Variants in CCDC30 observed in about 807,000 individuals in gnomAD.
CCDC30 encodes coiled-coil domain containing 30.
A neutral mutation model predicts 100.2 loss-of-function variants in CCDC30; 70 were observed. That is an observed-to-expected ratio of 0.70 (90% CI 0.58 to 0.85). The LOEUF is 0.85. Ranked by LOEUF, CCDC30 falls within the 40% of genes least tolerant of loss-of-function variation. CCDC30 has a pLI of 0.00. For missense variants in CCDC30, 652 were observed against 771.2 expected (o/e 0.85, Z 1.83); for synonymous variants, 233 against 269.5 (o/e 0.86, Z 1.33).
intron 7 of CCDC30, among the ~76,000 whole-genome samples, chr1:42,574,925 C>G (rs1645802794): frequency 6.6e-6 from 1 of 152,186 alleles, no homozygotes; most frequent in African/African-American, 2.4e-5. Flanking sequence ...GTGTCTGGCT[C>G]TATTCTTGAG....
intron 6 of CCDC30, among the ~76,000 whole-genome samples, chr1:42,557,812 A>T (rs1276243012): frequency 6.7e-6 from 1 of 149,766 alleles, no homozygotes; most frequent in Non-Finnish European, 1.5e-5. Flanking sequence ...ATTCTTAAGG[A>T]ATTTGTAATT....
At chr1:42,477,651 T>A (rs1447905002) in intron 1 of CCDC30, among the ~76,000 whole-genome samples, 1 of 152,226 alleles carries the variant, frequency 6.6e-6, no homozygotes, top group Non-Finnish European at 1.5e-5. Flanking sequence ...AAATCAATCC[T>A]ATGCATCCCA....
intron 6 of CCDC30, chr1:42,509,938 C>A: frequency 1.9e-6 from 1 of 520,288 alleles, no homozygotes. Flanking sequence ...TTCCCTTCCT[C>A]CAAGCTCAAC....
At chr1:42,530,352 C>G (rs985926444) in intron 6 of CCDC30, among the ~76,000 whole-genome samples, 3 of 152,160 alleles carry the variant, frequency 2.0e-5, no homozygotes, top group African/African-American at 7.2e-5. Context: ...TTGCTAATCT[C>G]TTACTATGCC....
chr1:42,580,389 C>A (rs1043158560), intron 8 of CCDC30, among the ~76,000 whole-genome samples: 1 of 152,092 alleles, frequency 6.6e-6, no homozygotes, highest in Non-Finnish European at 1.5e-5. Flanking sequence ...CGGGTGACAC[C>A]CACTGGCATT....
chr1:42,560,999 A>G (rs111778468), intron 6 of CCDC30, among the ~76,000 whole-genome samples: 20,621 of 152,198 alleles, frequency 0.14, 1,529 homozygotes, highest in East Asian at 0.17. Flanking sequence ...AGGACCAGAC[A>G]GATTCACAGC....
intron 6 of CCDC30, chr1:42,509,992 A>G (rs1353719224): frequency 3.3e-6 from 3 of 907,044 alleles, no homozygotes; most frequent in African/African-American, 1.8e-5. Context: ...AACTTTTCCC[A>G]GTTTGGAGGA....
intron 6 of CCDC30, among the ~76,000 whole-genome samples, chr1:42,525,361 A>G (rs1644708110): frequency 2.0e-5 from 3 of 151,818 alleles, no homozygotes; most frequent in South Asian, 4.2e-4. Context: ...GATAATTTCT[A>G]TTGTTGTTTT....
chr1:42,601,544 C>A (rs1483671344), intron 10 of CCDC30, among the ~76,000 whole-genome samples: 10 of 152,132 alleles, frequency 6.6e-5, no homozygotes, highest in Admixed American at 6.6e-4. Flanking sequence ...TTTGGGACAC[C>A]CCTAACCACA....
At chr1:42,482,222 CAA>C (rs11399996) in intron 2 of CCDC30, among the ~76,000 whole-genome samples, 7 of 127,448 alleles carry the variant, frequency 5.5e-5, no homozygotes, top group Non-Finnish European at 3.3e-5. Context: ...GACTCCATCT[CAA>C]AAAAAAAAAA....
At chr1:42,473,356 C>A in intron 1 of CCDC30, 1 of 1,012,326 alleles carries the variant, frequency 9.9e-7, no homozygotes, top group South Asian at 5.0e-5. Context: ...TGTTCATTGC[C>A]CTTCATTAAA....
intron 10 of CCDC30, among the ~76,000 whole-genome samples, chr1:42,597,325 C>T (rs187234622): frequency 1.3e-5 from 2 of 152,134 alleles, no homozygotes; most frequent in Admixed American, 1.3e-4. Flanking sequence ...GCTCAGAGAA[C>T]ATCAAGCAGG....
intron 4 of CCDC30, among the ~76,000 whole-genome samples, chr1:42,496,515 AT>A (rs1295044307): frequency 1.3e-5 from 2 of 151,980 alleles, no homozygotes; most frequent in Non-Finnish European, 2.9e-5. Flanking sequence ...TAAAAATATT[AT>A]TTTGGGACAT....
chr1:42,592,943 AC>A (rs1461127919), intron 10 of CCDC30: 1 of 152,080 alleles, frequency 6.6e-6, no homozygotes, highest in African/African-American at 2.4e-5. Context: ...TCTATAAATT[AC>A]CCAGTCTCAG....
At chr1:42,544,802 C>T (rs11581983) in intron 6 of CCDC30, among the ~76,000 whole-genome samples, 41,882 of 151,966 alleles carry the variant, frequency 0.28, 6,727 homozygotes, top group East Asian at 0.39. Flanking sequence ...CCATTGCACC[C>T]GGCCAAGACT....
chr1:42,463,043 A>G (rs115362423), upstream of CCDC30, among the ~76,000 whole-genome samples: 1,070 of 152,340 alleles, frequency 7.0e-3, 16 homozygotes, highest in African/African-American at 0.024. Context: ...GCCCCAAGAC[A>G]AAATGTATTC....
intron 4 of CCDC30, among the ~76,000 whole-genome samples, chr1:42,495,389 G>C (rs1348315864): frequency 2.6e-5 from 4 of 152,028 alleles, no homozygotes; most frequent in Non-Finnish European, 5.9e-5. Flanking sequence ...ATAGCATTGG[G>C]AGATATACCT....
intron 11 of CCDC30, among the ~76,000 whole-genome samples, chr1:42,629,429 T>G (rs1046663614): frequency 6.6e-6 from 1 of 152,246 alleles, no homozygotes; most frequent in African/African-American, 2.4e-5. Flanking sequence ...AATTTGTTTC[T>G]TTTCTCTTGC....
chr1:42,656,463 T>A (rs1648662129), downstream of CCDC30, among the ~76,000 whole-genome samples: 1 of 152,086 alleles, frequency 6.6e-6, no homozygotes, highest in Admixed American at 6.6e-5. Context: ...AAGCCCTGTC[T>A]CTACTAAAAA....
Sources: gnomAD v4.1 joint callset for allele counts (sites outside exome capture counted in the v4.1 genomes callset) on GRCh38, gnomAD v4.1.1 for gene constraint, MANE v1.5 for transcripts, NCBI Gene and HGNC (gene_info 2026-07-23, HGNC 2026-07-21) for gene names.